CCDC92: variants seen among roughly 807,000 people sequenced by gnomAD.
CCDC92 encodes the protein coiled-coil domain-containing protein 92.
A neutral mutation model predicts 24.9 loss-of-function variants in CCDC92; 12 were observed. The ratio of observed to expected loss-of-function variants is 0.48; its 90% CI spans 0.31 to 0.78. The LOEUF is 0.78. CCDC92 is among the 30% of genes least tolerant of loss of function. CCDC92 has a pLI of 0.05. For synonymous variants in CCDC92, 193 were observed against 196.3 expected, an observed-to-expected ratio of 0.98 and a Z score of 0.14; for missense variants, 399 against 439.4, an observed-to-expected ratio of 0.91 and a Z score of 0.82.
Position 123,937,637 on chromosome 12 carries a change from G to A in CCDC92, c.417C>T (p.His139=), listed in dbSNP as rs745427235. Residue 139 remains histidine, a synonymous_variant, in exon 5 of 5, where the codon CAC becomes CAT. Coordinates refer to ENST00000238156, the MANE Select transcript of CCDC92 (RefSeq NM_025140.3). The surrounding 1 kb of genome is among the most constrained non-coding windows in gnomAD (Gnocchi z 8.4). ...GCTCGCTAGACAGCAGGGTCAGCTT[G>A]TGACTCTTGGCCTTCAGCTCCTCCA... The part of the protein sequence containing the change: ...KYLEELKAKS[H]KLTLLSSELE... 4 of 1,613,926 alleles carry A rather than the reference G, an allele frequency of 2.5e-6. No homozygotes were observed. The highest frequency in any genetic ancestry group is 3.3e-4 in the Middle Eastern group (2 of 6,062).
chr12:123,946,943 A>C (rs1016681533), intron 1 of CCDC92, among the ~76,000 whole-genome samples: 9 of 151,904 alleles, frequency 5.9e-5, no homozygotes, highest in African/African-American at 2.2e-4. Context: ...GGAGGTGTGG[A>C]GGGAGAGGCG....
At chr12:123,961,518 A>G (rs923252609) in intron 1 of CCDC92, among the ~76,000 whole-genome samples, 1 of 152,234 alleles carries the variant, frequency 6.6e-6, no homozygotes, top group Non-Finnish European at 1.5e-5. Context: ...TAGATAGAAA[A>G]GCTAGTGTCA....
At chr12:123,945,395 C>T (rs1955814864) in intron 1 of CCDC92, 1 of 152,130 alleles carries the variant, frequency 6.6e-6, no homozygotes, top group East Asian at 1.9e-4. Context: ...CCCCACAGTT[C>T]CCGAGATCCC....
chr12:123,962,641 G>C (rs1396799124), intron 1 of CCDC92: 1 of 153,956 alleles, frequency 6.5e-6, no homozygotes, highest in Non-Finnish European at 1.5e-5. Flanking sequence ...GGCGGAACAG[G>C]ATGGGGAGTA....
intron 1 of CCDC92, among the ~76,000 whole-genome samples, chr12:123,966,894 C>T (rs1023616080): frequency 6.6e-6 from 1 of 152,106 alleles, no homozygotes; most frequent in Non-Finnish European, 1.5e-5. Flanking sequence ...GACACAAGAA[C>T]CTCCAAATAG....
chr12:123,956,603 G>A (rs150890146), intron 1 of CCDC92, among the ~76,000 whole-genome samples: 301 of 152,314 alleles, frequency 2.0e-3, no homozygotes, highest in Admixed American at 5.6e-3. Context: ...AAGTTCCAGG[G>A]GAAGGGAAAA....
chr12:123,969,721 G>C (rs1034530534), intron 1 of CCDC92, among the ~76,000 whole-genome samples: 17 of 151,976 alleles, frequency 1.1e-4, no homozygotes, highest in African/African-American at 4.1e-4. Flanking sequence ...CTCGGCCTCA[G>C]GAGTGAGCCA....
intron 1 of CCDC92, 141 bp from the exon 2 acceptor site, chr12:123,944,505 C>G (rs1955787202): frequency 1.9e-6 from 1 of 516,526 alleles, no homozygotes; most frequent in Non-Finnish European, 3.3e-6. Flanking sequence ...GGACGCAGCC[C>G]ATTTGTAGGA....
At chr12:123,946,581 C>T (rs1307023821) in intron 1 of CCDC92, 3 of 152,504 alleles carry the variant, frequency 2.0e-5, no homozygotes, top group Non-Finnish European at 4.4e-5. Context: ...TTTCCCGCCT[C>T]CTCGCACAGA....
chr12:123,937,059 C>T lies in CCDC92; in HGVS notation c.995G>A (p.Ter332=). 3 of 1,613,796 alleles carry T rather than the reference C, an allele frequency of 1.9e-6. No homozygotes were observed. Among genetic ancestry groups the T allele is most frequent in the Non-Finnish European group, 1.7e-6 (2 of 1,179,978 alleles). The change falls in exon 5 of 5, where the codon TGA becomes TAA. Residue 332 remains the stop codon, a stop_retained_variant. Coordinates refer to ENST00000238156, the MANE Select transcript of CCDC92 (RefSeq NM_025140.3). This position sits in a 1 kb window ranked among gnomAD's most constrained non-coding sequence, Gnocchi z 8.4. The part of the protein sequence containing the change: ...RKHSGTDRTV[*] ...GCGCGGGGTGGGGCACGGCGGGCTT[C>T]ACACAGTTCTGTCCGTCCCTGAGTG...
chr12:123,952,229 A>G (rs1244808720), intron 1 of CCDC92, among the ~76,000 whole-genome samples: 1 of 152,250 alleles, frequency 6.6e-6, no homozygotes, highest in Non-Finnish European at 1.5e-5. Flanking sequence ...TTAGCCAACT[A>G]GGGCATTTCC....
chr12:123,937,143 T>G lies in CCDC92; in HGVS notation c.911A>C (p.Gln304Pro), dbSNP rs1566139266. 6.2e-7 allele frequency: 1 copy of G among 1,613,054 alleles called. No individual in the cohort carries two copies. ...RIHHATPPQA[Q>P]PEVKTLAVDQ... ...GACCGCCAGGGTCTTCACCTCGGGC[T>G]GGGCCTGCGGCGGGGTGGCGTGGTG... The change falls in exon 5 of 5, where the codon CAG (glutamine) becomes CCG (proline). Residue 304 changes from glutamine to proline, a missense_variant. By Grantham distance (76) the Gln-to-Pro change is moderately conservative. Transcript: ENST00000238156. The surrounding 1 kb of genome is among the most constrained non-coding windows in gnomAD (Gnocchi z 8.4).
chr12:123,948,361 C>CT (rs1328101461), intron 1 of CCDC92, among the ~76,000 whole-genome samples: 2 of 152,250 alleles, frequency 1.3e-5, no homozygotes, highest in African/African-American at 2.4e-5. Flanking sequence ...TATTCATACT[C>CT]TAACTGCCTT....
chr12:123,955,261 T>C (rs1956123135), intron 1 of CCDC92, among the ~76,000 whole-genome samples: 1 of 152,262 alleles, frequency 6.6e-6, no homozygotes, highest in South Asian at 2.1e-4. Context: ...TAGCTAGTGA[T>C]ACTTTCCTTT....
rs181362782 is a variant in CCDC92, at chr12:123,955,304, C to T, written c.-59-10940G>A. Among the ~76,000 whole-genome samples, 631 of 152,328 alleles carry T rather than the reference C, an allele frequency of 4.1e-3. 5 individuals are homozygous for T. Among genetic ancestry groups the T allele is most frequent in the Non-Finnish European group, 5.0e-3 (342 of 68,032 alleles). On this transcript the variant is annotated intron_variant, in intron 1 of 4. Transcript: ENST00000238156. ...GGGGAAGTAAGCAGTTCATATCCAACTGGTCTTTCCATTTCCACCTCAGAT... is the reference window on the plus strand; with the variant it reads ...GGGGAAGTAAGCAGTTCATATCCAATTGGTCTTTCCATTTCCACCTCAGAT...
intron 1 of CCDC92, among the ~76,000 whole-genome samples, chr12:123,957,296 G>A (rs1349013785): frequency 1.3e-5 from 2 of 152,240 alleles, no homozygotes; most frequent in Non-Finnish European, 2.9e-5. Context: ...TGGCCAGTCA[G>A]GAGCCTGGAG....
intron 1 of CCDC92, among the ~76,000 whole-genome samples, chr12:123,952,466 A>T (rs1566164160): frequency 1.3e-5 from 2 of 152,226 alleles, no homozygotes; most frequent in Non-Finnish European, 2.9e-5. Context: ...TCACGAGGCT[A>T]AAAAATGGTC....
intron 1 of CCDC92, among the ~76,000 whole-genome samples, chr12:123,966,973 T>C (rs887478219): frequency 1.3e-5 from 2 of 152,162 alleles, no homozygotes; most frequent in Admixed American, 6.5e-5. Flanking sequence ...ATTTTGTCTC[T>C]CCCCTAAAAA....
chr12:123,947,676 G>A (rs1331982693), intron 1 of CCDC92, among the ~76,000 whole-genome samples: 1 of 152,064 alleles, frequency 6.6e-6, no homozygotes, highest in Non-Finnish European at 1.5e-5. Flanking sequence ...TCTAGCTCAG[G>A]GATTGTAAAC....
Sources: allele counts gnomAD v4.1 joint callset (sites outside exome capture counted in the v4.1 genomes callset), GRCh38; gene constraint gnomAD v4.1.1; non-coding constraint Gnocchi (gnomAD v3.1); transcripts MANE v1.5; gene names NCBI Gene and HGNC (gene_info 2026-07-23, HGNC 2026-07-21).